SNRK: variants seen among roughly 807,000 people sequenced by gnomAD.
SNRK encodes the protein SNF related kinase, also known as SNF-related serine/threonine-protein kinase.
Under a neutral mutation model 48.2 loss-of-function variants are expected in SNRK, and 3 were observed. The ratio of observed to expected loss-of-function variants is 0.06; its 90% CI spans 0.03 to 0.16. SNRK has a LOEUF of 0.16. Ranked by LOEUF, SNRK falls within the 10% of genes least tolerant of loss-of-function variation. The pLI is 1.00. For synonymous variants in SNRK, 376 were observed against 366.1 expected, an observed-to-expected ratio of 1.03 and a Z score of -0.31; for missense variants, 627 against 976.0, an observed-to-expected ratio of 0.64 and a Z score of 4.76.
At chr3:43,344,441 ATAT>A (rs1188511166) in intron 6 of SNRK, among the ~76,000 whole-genome samples, 2 of 152,158 alleles carry the variant, frequency 1.3e-5, no homozygotes, top group African/African-American at 2.4e-5. Flanking sequence ...ATGTGTGTGA[ATAT>A]TATTGTGAAT....
chr3:43,310,606 C>A (rs532166903), intron 3 of SNRK, among the ~76,000 whole-genome samples: 1 of 152,140 alleles, frequency 6.6e-6, no homozygotes, highest in Admixed American at 6.6e-5. Context: ...AAATTCAAGT[C>A]CTTATGTGTC....
At chr3:43,309,761 C>T (rs1430853111) in intron 3 of SNRK, among the ~76,000 whole-genome samples, 2 of 151,970 alleles carry the variant, frequency 1.3e-5, no homozygotes, top group South Asian at 2.1e-4. Context: ...GGACTACAGG[C>T]GTGCACCACC....
chr3:43,350,615 AGTCT>A lies in SNRK; in HGVS notation c.*2060_*2063del, dbSNP rs1296529297. ...TTGACCCTTGGGGTATACAAATGTC[AGTCT>A]GAGTGGTGTCTTACTCCTTTGTTTA... On this transcript the variant is annotated 3_prime_UTR_variant, in exon 7 of 7. Transcript: ENST00000296088. 1 of 152,544 alleles carries A rather than the reference AGTCT, an allele frequency of 6.6e-6. No homozygotes were observed. The highest frequency in any genetic ancestry group is 1.5e-5 in the Non-Finnish European group (1 of 68,040). The allele number at this position is 152,544 out of a possible 1,614,324, so 9.4% of individuals were successfully genotyped here.
rs1000388663 is a variant in SNRK, at chr3:43,350,882, G to C, written c.*2325G>C. The C allele has an allele frequency of 3.3e-5, 5 of 152,432 alleles. No individual in the cohort carries two copies. The highest frequency in any genetic ancestry group is 1.2e-4 in the African/African-American group (5 of 41,404). 9.4% of individuals were successfully genotyped at this position (152,432 alleles called of 1,614,324 possible). ...TATGTGTGTATATATATATAATTAT[G>C]TACTTCTGGCAATTCTATCTGTATT... On this transcript the variant is annotated 3_prime_UTR_variant, in exon 7 of 7. Coordinates refer to ENST00000296088, the MANE Select transcript of SNRK (RefSeq NM_017719.5).
chr3:43,291,614 A>C (rs750340648), intron 1 of SNRK, among the ~76,000 whole-genome samples: 1 of 152,224 alleles, frequency 6.6e-6, no homozygotes, highest in Non-Finnish European at 1.5e-5. Flanking sequence ...AACTTTCACA[A>C]TAACTGTCCA....
intron 3 of SNRK, among the ~76,000 whole-genome samples, chr3:43,317,577 C>T (rs2091022965): frequency 1.3e-5 from 2 of 152,180 alleles, no homozygotes; most frequent in Admixed American, 1.3e-4. Context: ...CAACACAGCC[C>T]AAAAGATTGG....
At chr3:43,336,317 TCC>T (rs2091188324) in intron 4 of SNRK, among the ~76,000 whole-genome samples, 1 of 132,590 alleles carries the variant, frequency 7.5e-6, no homozygotes, top group African/African-American at 2.6e-5. Flanking sequence ...TCTCCCTCTG[TCC>T]GCCTTCCCTC....
intron 2 of SNRK, among the ~76,000 whole-genome samples, chr3:43,301,425 G>A (rs2125618847): frequency 6.6e-6 from 1 of 152,224 alleles, no homozygotes; most frequent in Non-Finnish European, 1.5e-5. Flanking sequence ...TGTAGTTAAT[G>A]TCACTTGTAC....
chr3:43,333,098 C>T lies in SNRK; in HGVS notation c.731+788C>T, dbSNP rs565444389. 6 of 152,068 alleles carry T rather than the reference C, an allele frequency of 3.9e-5. No individual in the cohort carries two copies. The East Asian group carries it at 9.7e-4, about 25-fold the overall frequency. The allele number at this position is 152,068 out of a possible 1,614,324, so 9.4% of individuals were successfully genotyped here. ...GACTTTTTTTCTCTAAATGAAGCCC[C>T]ATCTCAGGTGGATGTTTAAGAACTT... On this transcript the variant is annotated intron_variant, in intron 4 of 6. Transcript: ENST00000296088.
chr3:43,325,905 T>G (rs79877168), intron 3 of SNRK, among the ~76,000 whole-genome samples: 14,786 of 152,208 alleles, frequency 0.097, 972 homozygotes, highest in Non-Finnish European at 0.14. Context: ...CCAGGCATGC[T>G]ATTTTCATTA....
chr3:43,324,042 C>T (rs1393531118), intron 3 of SNRK, among the ~76,000 whole-genome samples: 1 of 152,018 alleles, frequency 6.6e-6, no homozygotes, highest in Non-Finnish European at 1.5e-5. Context: ...GAAATGCACC[C>T]TAAAAATGGT....
chr3:43,347,106 G>GTGA lies in SNRK; in HGVS notation c.1080-229_1080-227dup, dbSNP rs1441746465. 51 of 441,006 alleles carry GTGA rather than the reference G, an allele frequency of 1.2e-4. No individual in the cohort carries two copies. The highest frequency in any genetic ancestry group is 2.3e-4 in the Admixed American group (6 of 25,940). 27.3% of individuals were successfully genotyped at this position (441,006 alleles called of 1,614,324 possible). ...TGCCCTATTTTCTTTTCTGACACCT[G>GTGA]TGATGAAGTTTTCACTTGGCCAATA... is the stretch of plus-strand genomic sequence containing the variant. On this transcript the variant is annotated intron_variant, in intron 6 of 6. Transcript: ENST00000296088. This position sits in a 1 kb window ranked among gnomAD's most constrained non-coding sequence, Gnocchi z 5.4.
rs755557852 is a variant in SNRK, at chr3:43,303,805, G to A, written c.589+13G>A. 6.4e-6 allele frequency: 10 copies of A among 1,573,540 alleles called. No homozygotes were observed. Among genetic ancestry groups the A allele is most frequent in the East Asian group, 4.5e-5 (2 of 44,584 alleles). ...GCACCTGCAGTAGGTAGGTAACCTC[G>A]GTCCAGTATTTGGCCATTTGAATTC... On this transcript the variant is annotated intron_variant, in intron 3 of 6. Transcript: ENST00000296088. This position sits in a 1 kb window ranked among gnomAD's most constrained non-coding sequence, Gnocchi z 6.2.
Position 43,302,037 on chromosome 3 carries a change from T to A in SNRK, c.-106-1061T>A, listed in dbSNP as rs1004800857. On this transcript the variant is annotated intron_variant, in intron 2 of 6. Transcript: ENST00000296088. Reference sequence around the variant, plus strand: ...CGAAATGTGGTTCTTAAAAACCAAATGATTTTTAAGACTTAAATCATCTGT... The same window carrying A: ...CGAAATGTGGTTCTTAAAAACCAAAAGATTTTTAAGACTTAAATCATCTGT... 2.6e-5 allele frequency among the ~76,000 whole-genome samples: 4 copies of A among 152,356 alleles called. No individual in the cohort carries two copies. In the East Asian group the frequency reaches 7.7e-4, roughly 29 times the overall value.
chr3:43,347,176 G>A lies in SNRK; in HGVS notation c.1080-163G>A, dbSNP rs1488455850. On this transcript the variant is annotated intron_variant, in intron 6 of 6. Transcript: ENST00000296088. The surrounding 1 kb of genome is among the most constrained non-coding windows in gnomAD (Gnocchi z 5.4). Reference sequence around the variant, plus strand: ...TTTCAAAACCACATTTGCCCTTCTGGTGGCCTTGCTGATGTTTACAGGATG... The same window carrying A: ...TTTCAAAACCACATTTGCCCTTCTGATGGCCTTGCTGATGTTTACAGGATG... 3.1e-6 allele frequency: 2 copies of A among 652,926 alleles called. No homozygotes were observed. The allele number at this position is 652,926 out of a possible 1,614,324, so 40.4% of individuals were successfully genotyped here. A position where few individuals can be genotyped will look rare whatever the true frequency, so the allele number is the denominator to read the frequency against.
Position 43,337,563 on chromosome 3 carries a change from A to AT in SNRK, c.732-2714dup, listed in dbSNP as rs199787843. 4.9e-4 allele frequency among the ~76,000 whole-genome samples: 73 copies of AT among 150,100 alleles called. 1 individual carries two copies. Among genetic ancestry groups the AT allele is most frequent in the South Asian group, 8.5e-4 (4 of 4,716 alleles). Reference sequence around the variant, plus strand: ...AGGTGCAAGCCACCACACCTGGCTAATTTTTTTTTTAATTTTTTTGTAGAG... The same window carrying AT: ...AGGTGCAAGCCACCACACCTGGCTAATTTTTTTTTTTAATTTTTTTGTAGAG... On this transcript the variant is annotated intron_variant, in intron 4 of 6. Transcript: ENST00000296088.
At chr3:43,293,170 C>A (rs1376855011) in intron 1 of SNRK, among the ~76,000 whole-genome samples, 2 of 151,724 alleles carry the variant, frequency 1.3e-5, no homozygotes, top group African/African-American at 4.8e-5. Context: ...AGTGGCTGAT[C>A]TCGGCTCACT....
intron 3 of SNRK, among the ~76,000 whole-genome samples, chr3:43,307,701 GTCTCTCTCTC>G (rs1174402018): frequency 6.6e-6 from 1 of 150,740 alleles, no homozygotes; most frequent in Non-Finnish European, 1.5e-5. Flanking sequence ...CTCTCTCTCT[GTCTCTCTCTC>G]TCTTCTTGGG....
chr3:43,290,638 G>A (rs2090804421), intron 1 of SNRK, among the ~76,000 whole-genome samples: 1 of 152,156 alleles, frequency 6.6e-6, no homozygotes, highest in South Asian at 2.1e-4. Context: ...CTGCTTACCT[G>A]TCTTCTAGCT....
Sources: gnomAD v4.1 joint callset for allele counts (sites outside exome capture counted in the v4.1 genomes callset) on GRCh38, gnomAD v4.1.1 for gene constraint, Gnocchi (gnomAD v3.1) non-coding constraint, MANE v1.5 for transcripts, NCBI Gene and HGNC (gene_info 2026-07-23, HGNC 2026-07-21) for gene names.